Variants in EPHB2 observed in about 807,000 individuals in gnomAD.
EPHB2 encodes EPH receptor B2, also known as ephrin type-B receptor 2.
A neutral mutation model predicts 96.4 loss-of-function variants in EPHB2; 18 were observed. The observed-to-expected ratio is 0.19, with a 90% confidence interval of 0.13 to 0.28. The LOEUF is 0.28. EPHB2 is among the 10% of genes least tolerant of loss of function. EPHB2 has a pLI of 1.00. For synonymous variants in EPHB2, 506 were observed against 534.1 expected (o/e 0.95, Z 0.72); for missense variants, 989 against 1,355.4 (o/e 0.73, Z 4.25).
At chr1:22,725,178 A>G (rs72879164) in intron 1 of EPHB2, among the ~76,000 whole-genome samples, 7,247 of 152,012 alleles carry the variant, frequency 0.048, 459 homozygotes, top group African/African-American at 0.14. Flanking sequence ...GTACAGTTAG[A>G]CGGTTGGATG....
In EPHB2 at chr1:22,911,322, C is replaced by G. The variant is rs58031195; in HGVS notation, c.2696+747C>G. 9.4e-4 allele frequency among the ~76,000 whole-genome samples: 143 copies of G among 152,226 alleles called. 1 individual carries two copies. In the East Asian group the frequency reaches 0.018, roughly 20 times the overall value. The stretch of plus-strand genomic sequence containing the variant: ...ACACACATGCTAACACAAATCCAGT[C>G]CTACATGCACAGATGAACACACAAT... On this transcript the variant is annotated intron_variant, in intron 14 of 15. Transcript: ENST00000374630.
At chr1:22,887,873 G>C (rs1343278873) in intron 6 of EPHB2, among the ~76,000 whole-genome samples, 1 of 152,160 alleles carries the variant, frequency 6.6e-6, no homozygotes, top group African/African-American at 2.4e-5. Flanking sequence ...AGGATGGGGG[G>C]TGAAACTATG....
rs748848800 is a variant in EPHB2 at position 22,891,794 on chromosome 1, TG to T, written c.1429-1089del. On this transcript the variant is annotated intron_variant, in intron 6 of 15. Coordinates refer to ENST00000374630, the MANE Select transcript of EPHB2 (RefSeq NM_017449.5). ...GCAAGAGTCTGGTTTCTTTTTTTTT[TG>T]TTGTTGTTGTATTTTTTTAGATAGG... Among the ~76,000 whole-genome samples, 481 of 117,180 alleles carry T rather than the reference TG, an allele frequency of 4.1e-3. 10 individuals are homozygous for T. Among genetic ancestry groups the T allele is most frequent in the African/African-American group, 0.012 (428 of 35,156 alleles). The allele number at this position is 117,180 out of a possible 152,430, so 76.9% of individuals were successfully genotyped here.
intron 1 of EPHB2, among the ~76,000 whole-genome samples, chr1:22,743,287 T>C (rs1643926862): frequency 6.6e-6 from 1 of 152,146 alleles, no homozygotes; most frequent in Admixed American, 6.5e-5. Flanking sequence ...GGCTTGGTGA[T>C]GCCGCCCGTA....
intron 1 of EPHB2, among the ~76,000 whole-genome samples, chr1:22,779,055 G>T (rs1009688599): frequency 6.6e-6 from 1 of 152,156 alleles, no homozygotes; most frequent in Non-Finnish European, 1.5e-5. Flanking sequence ...TGCCTTGTTC[G>T]ACACAGCTCC....
chr1:22,919,931 T>C lies in EPHB2; in HGVS notation c.*6361T>C, dbSNP rs1206558131. On this transcript the variant is annotated 3_prime_UTR_variant, in exon 16 of 16. Transcript: ENST00000374630. Reference sequence around the variant, plus strand: ...TTCTTGAAATTTCGAGTCTCATTGTTCGTTGCTGTTCCCCAGACCTGTGGG... The same window carrying C: ...TTCTTGAAATTTCGAGTCTCATTGTCCGTTGCTGTTCCCCAGACCTGTGGG... The C allele has an allele frequency of 1.1e-4, 16 of 152,144 alleles. No individual in the cohort carries two copies. The highest frequency in any genetic ancestry group is 1.0e-3 in the Admixed American group (16 of 15,282). 9.4% of individuals were successfully genotyped at this position (152,144 alleles called of 1,614,324 possible).
At chr1:22,844,491 G>A (rs1645513424) in intron 3 of EPHB2, among the ~76,000 whole-genome samples, 1 of 152,234 alleles carries the variant, frequency 6.6e-6, no homozygotes, top group Non-Finnish European at 1.5e-5. Context: ...CTTAGGGGTA[G>A]GCAGGAGCCT....
chr1:22,806,325 G>A (rs921429709), intron 3 of EPHB2, among the ~76,000 whole-genome samples: 2 of 152,214 alleles, frequency 1.3e-5, no homozygotes, highest in African/African-American at 4.8e-5. Flanking sequence ...AAGCCAGCAG[G>A]TTCCAGAGTC....
At chr1:22,823,453 T>G (rs1645180970) in intron 3 of EPHB2, among the ~76,000 whole-genome samples, 1 of 152,200 alleles carries the variant, frequency 6.6e-6, no homozygotes, top group South Asian at 2.1e-4. Flanking sequence ...GAACCTCCTT[T>G]GTGAAATTGT....
At chr1:22,912,763 C>G in intron 15 of EPHB2, 164 bp downstream of exon 15, 1 of 946,862 alleles carries the variant, frequency 1.1e-6, no homozygotes, top group Non-Finnish European at 1.6e-6. Context: ...TGGACTGATA[C>G]CCAGGTCTGC....
intron 1 of EPHB2, among the ~76,000 whole-genome samples, chr1:22,711,714 G>A (rs780821793): frequency 8.6e-5 from 13 of 152,044 alleles, no homozygotes; most frequent in Non-Finnish European, 1.3e-4. Context: ...CACCCCCGCC[G>A]GCCACCGCCC....
intron 3 of EPHB2, among the ~76,000 whole-genome samples, chr1:22,847,343 T>G (rs1335578801): frequency 6.6e-6 from 1 of 152,166 alleles, no homozygotes; most frequent in Non-Finnish European, 1.5e-5. Flanking sequence ...CCCTAACCAC[T>G]GGGAAGCACA....
chr1:22,892,840 T>G (rs764455821), intron 6 of EPHB2, 44 bp from the exon 7 acceptor site: 2 of 1,613,938 alleles, frequency 1.2e-6, no homozygotes, highest in Non-Finnish European at 1.7e-6. Flanking sequence ...CTGGACCCAC[T>G]ATGAGCCACA....
chr1:22,740,548 A>G (rs1266988688), intron 1 of EPHB2, among the ~76,000 whole-genome samples: 1 of 152,124 alleles, frequency 6.6e-6, no homozygotes, highest in Non-Finnish European at 1.5e-5. Context: ...CTTGATCATC[A>G]CTGCGACAAC....
intron 1 of EPHB2, among the ~76,000 whole-genome samples, chr1:22,740,322 T>C (rs1339620559): frequency 3.3e-5 from 5 of 152,208 alleles, no homozygotes; most frequent in Non-Finnish European, 1.5e-5. Flanking sequence ...ATTCACATTT[T>C]GGGTGGGACA....
At chr1:22,847,548 G>A (rs999798506) in intron 3 of EPHB2, among the ~76,000 whole-genome samples, 3 of 152,204 alleles carry the variant, frequency 2.0e-5, no homozygotes, top group East Asian at 1.9e-4. Flanking sequence ...GCTTTGAAAC[G>A]GGGGAGAGGG....
chr1:22,843,730 A>G (rs1018002824), intron 3 of EPHB2, among the ~76,000 whole-genome samples: 1 of 152,170 alleles, frequency 6.6e-6, no homozygotes, highest in East Asian at 1.9e-4. Context: ...TAATAGAGAC[A>G]GGGTTTTACC....
intron 1 of EPHB2, among the ~76,000 whole-genome samples, chr1:22,762,341 T>C (rs1316972306): frequency 6.6e-6 from 1 of 152,160 alleles, no homozygotes; most frequent in African/African-American, 2.4e-5. Flanking sequence ...TGCAGGACCC[T>C]CAGCTGGAAC....
chr1:22,735,424 G>A (rs558968606), intron 1 of EPHB2, among the ~76,000 whole-genome samples: 23 of 144,982 alleles, frequency 1.6e-4, no homozygotes, highest in African/African-American at 5.0e-4. Flanking sequence ...AAACAACAGA[G>A]TGAGACCCGG....
Sources: gnomAD v4.1 joint callset for allele counts (sites outside exome capture counted in the v4.1 genomes callset) on GRCh38, gnomAD v4.1.1 for gene constraint, MANE v1.5 for transcripts, NCBI Gene and HGNC (gene_info 2026-07-23, HGNC 2026-07-21) for gene names.